SOS1: variants seen among roughly 807,000 people sequenced by gnomAD.
SOS1 encodes the protein son of sevenless homolog 1.
Under a neutral mutation model 157.6 loss-of-function variants are expected in SOS1, and 25 were observed. The ratio of observed to expected loss-of-function variants is 0.16; its 90% CI spans 0.12 to 0.22. The LOEUF (loss-of-function observed/expected upper bound fraction) is 0.22. Among genes scored for constraint, SOS1 ranks in the 10% least tolerant of loss-of-function variants. SOS1 has a pLI of 1.00. For synonymous variants in SOS1, 528 were observed against 534.0 expected (o/e 0.99, Z 0.16); for missense variants, 1,237 against 1,599.1 (o/e 0.77, Z 3.86).
chr2:39,071,715 ACT>A (rs1278812428), intron 1 of SOS1, among the ~76,000 whole-genome samples: 1 of 152,212 alleles, frequency 6.6e-6, no homozygotes, highest in Non-Finnish European at 1.5e-5. Flanking sequence ...TGTAAAGTTC[ACT>A]GTTTTTCAAA....
intron 2 of SOS1, among the ~76,000 whole-genome samples, chr2:39,063,284 C>T (rs1377860): frequency 6.6e-6 from 1 of 152,134 alleles, no homozygotes; most frequent in Admixed American, 6.5e-5. Context: ...CACTACACTT[C>T]GCAACATTTA....
In SOS1 at chr2:38,985,191, T is replaced by G. The variant is rs1426918582; in HGVS notation, c.*633A>C. The G allele has an allele frequency of 6.5e-6, 1 of 152,820 alleles. No homozygotes were observed. Among genetic ancestry groups the G allele is most frequent in the Non-Finnish European group, 1.5e-5 (1 of 68,558 alleles). The allele number at this position is 152,820 out of a possible 1,614,324, so 9.5% of individuals were successfully genotyped here. ...CTCTTAAAATTGGTACAATTATTCC[T>G]AAAACAACAACAACAACAAAAAAGT... On this transcript the variant is annotated 3_prime_UTR_variant, in exon 23 of 23. Coordinates refer to ENST00000402219, the MANE Select transcript of SOS1 (RefSeq NM_005633.4).
intron 17 of SOS1, among the ~76,000 whole-genome samples, chr2:39,003,408 A>G (rs1255266751): frequency 2.6e-5 from 4 of 152,222 alleles, no homozygotes; most frequent in Non-Finnish European, 4.4e-5. Context: ...CTGAGTTTCA[A>G]ACAAGCTGCT....
intron 8 of SOS1, among the ~76,000 whole-genome samples, chr2:39,033,116 G>T (rs1670223042): frequency 6.8e-6 from 1 of 147,960 alleles, no homozygotes; most frequent in Non-Finnish European, 1.5e-5. Context: ...TTTTGCCCAG[G>T]CTGAAGTGCA....
intron 6 of SOS1, among the ~76,000 whole-genome samples, chr2:39,037,568 A>T (rs766887801): frequency 6.6e-6 from 1 of 152,022 alleles, no homozygotes; most frequent in Non-Finnish European, 1.5e-5. Flanking sequence ...GTATGCAGGT[A>T]CACTTCACTT....
rs377069583 is a variant in SOS1, at chr2:39,006,564, A to G, written c.2674-35T>C. ...AAAAAAATAGGCGTAAGTTTACAAAAGGAATCAAAGGTCTTGTCAAAAAAA... is the reference window on the plus strand; with the variant it reads ...AAAAAAATAGGCGTAAGTTTACAAAGGGAATCAAAGGTCTTGTCAAAAAAA... On this transcript the variant is annotated intron_variant, in intron 16 of 22. Coordinates refer to ENST00000402219, the MANE Select transcript of SOS1 (RefSeq NM_005633.4). 1.4e-3 allele frequency: 1,463 copies of G among 1,016,046 alleles called. 23 individuals carry two copies. The South Asian group carries it at 0.018, about 13-fold the overall frequency. 62.9% of individuals were successfully genotyped at this position (1,016,046 alleles called of 1,614,324 possible). A position where few individuals can be genotyped will look rare whatever the true frequency, so the allele number is the denominator to read the frequency against.
At chr2:39,088,696 G>A (rs1672470717) in intron 1 of SOS1, among the ~76,000 whole-genome samples, 1 of 152,126 alleles carries the variant, frequency 6.6e-6, no homozygotes, top group South Asian at 2.1e-4. Flanking sequence ...TTACATGCAT[G>A]TATATACTAC....
At chr2:39,093,709 T>A (rs1672671382) in intron 1 of SOS1, among the ~76,000 whole-genome samples, 1 of 152,138 alleles carries the variant, frequency 6.6e-6, no homozygotes, top group South Asian at 2.1e-4. Context: ...GGAGATGAGA[T>A]CAGAGAGATA....
chr2:39,071,475 AATC>A (rs1357953440), intron 1 of SOS1, among the ~76,000 whole-genome samples: 9 of 152,250 alleles, frequency 5.9e-5, no homozygotes, highest in African/African-American at 2.2e-4. Flanking sequence ...GAAAAGGGAA[AATC>A]ATCATTGGTT....
chr2:39,009,229 G>A (rs1385123118), intron 15 of SOS1, among the ~76,000 whole-genome samples: 2 of 151,926 alleles, frequency 1.3e-5, no homozygotes, highest in Non-Finnish European at 2.9e-5. Context: ...AAAACTTACT[G>A]GATAAGCTCA....
chr2:38,987,775 A>G, intron 21 of SOS1, 184 bp from the exon 22 acceptor site: 1 of 563,198 alleles, frequency 1.8e-6, no homozygotes, highest in Non-Finnish European at 3.2e-6. Flanking sequence ...GCATGCAGAC[A>G]TTTTTTAGCA....
Position 39,054,836 on chromosome 2 carries a change from A to G in SOS1, c.511-13T>C. 1 of 1,224,836 alleles carries G rather than the reference A, an allele frequency of 8.2e-7. No individual in the cohort carries two copies. The highest frequency in any genetic ancestry group is 1.2e-6 in the Non-Finnish European group (1 of 829,346). 75.9% of individuals were successfully genotyped at this position (1,224,836 alleles called of 1,614,324 possible). On this transcript the variant is annotated splice_polypyrimidine_tract_variant and intron_variant, in intron 4 of 22. Transcript: ENST00000402219. Reference sequence around the variant, plus strand: ...TATCCATCAATACCTATACAGTCAGAGATATAAAAAAGTATAATAAAATAT... The same window carrying G: ...TATCCATCAATACCTATACAGTCAGGGATATAAAAAAGTATAATAAAATAT...
Position 39,067,831 on chromosome 2 carries a change from G to A in SOS1, c.88-78C>T, listed in dbSNP as rs1572867641. The A allele has an allele frequency of 2.9e-6, 4 of 1,369,144 alleles. No individual in the cohort carries two copies. In the East Asian group the frequency reaches 7.0e-5, roughly 24 times the overall value. The allele number at this position is 1,369,144 out of a possible 1,614,324, so 84.8% of individuals were successfully genotyped here. On this transcript the variant is annotated intron_variant, in intron 1 of 22. Coordinates refer to ENST00000402219, the MANE Select transcript of SOS1 (RefSeq NM_005633.4). ...ATTTTTAAAACTTTAAAAAATGTGG[G>A]TTTGTGGCCGGGCACGGTGGCTCAT...
intron 4 of SOS1, among the ~76,000 whole-genome samples, chr2:39,056,426 A>G (rs565381384): frequency 1.6e-4 from 25 of 152,176 alleles, no homozygotes; most frequent in Non-Finnish European, 2.9e-4. Context: ...CAAAAAAAAG[A>G]AAAAAGAAAA....
chr2:39,109,887 C>T (rs1465689148), intron 1 of SOS1, among the ~76,000 whole-genome samples: 1 of 152,122 alleles, frequency 6.6e-6, no homozygotes, highest in Non-Finnish European at 1.5e-5. Context: ...TCTAGAAATA[C>T]TAAAACATAG....
Position 38,986,007 on chromosome 2 carries a change from C to T in SOS1, c.3819G>A (p.Leu1273=), listed in dbSNP as rs1370301265. Residue 1273 remains leucine, a synonymous_variant, in exon 23 of 23, where the codon CTG becomes CTA. Transcript: ENST00000402219. ...CTTCTTGTGTCAATGGTGGTGATGG[C>T]AGATGCCTTCTTGTGCCGTGAGGAG... The part of the protein sequence containing the change: ...TPSPHGTRRH[L]PSPPLTQEVD... 19 of 1,613,738 alleles carry T rather than the reference C, an allele frequency of 1.2e-5. No individual in the cohort carries two copies. The highest frequency in any genetic ancestry group is 3.3e-5 in the Admixed American group (2 of 59,956).
intron 5 of SOS1, among the ~76,000 whole-genome samples, chr2:39,052,354 G>A (rs1671047977): frequency 6.6e-6 from 1 of 152,062 alleles, no homozygotes. Context: ...TATTTTAAAT[G>A]TTCTTTTGGT....
At chr2:39,015,198 C>T (rs897464739) in intron 10 of SOS1, among the ~76,000 whole-genome samples, 4 of 151,672 alleles carry the variant, frequency 2.6e-5, no homozygotes, top group African/African-American at 4.8e-5. Flanking sequence ...GGTTTATCCC[C>T]CTTATAAAGA....
rs955342577 is a variant in SOS1, at chr2:38,982,123, T to C, written c.*3701A>G. 1.3e-5 allele frequency: 2 copies of C among 152,188 alleles called. No homozygotes were observed. The highest frequency in any genetic ancestry group is 1.3e-4 in the Admixed American group (2 of 15,264). 9.4% of individuals were successfully genotyped at this position (152,188 alleles called of 1,614,324 possible). A position where few individuals can be genotyped will look rare whatever the true frequency, so the allele number is the denominator to read the frequency against. The stretch of plus-strand genomic sequence containing the variant: ...CAATGTGACCCACTGTTAGCTAATT[T>C]GCTTTATAATTCTGCAGCAATTGGC... On this transcript the variant is annotated 3_prime_UTR_variant, in exon 23 of 23. Transcript: ENST00000402219.
Sources: gnomAD v4.1 joint callset for allele counts (sites outside exome capture counted in the v4.1 genomes callset) on GRCh38, gnomAD v4.1.1 for gene constraint, MANE v1.5 for transcripts, NCBI Gene and HGNC (gene_info 2026-07-23, HGNC 2026-07-21) for gene names.